The following COP1 variants were observed in gnomAD, a reference collection of about 807,000 sequenced individuals.
COP1 encodes COP1 E3 ubiquitin ligase, also known as E3 ubiquitin-protein ligase COP1.
A neutral mutation model predicts 101.3 loss-of-function variants in COP1; 24 were observed. The ratio of observed to expected loss-of-function variants is 0.24; its 90% CI spans 0.17 to 0.33. The LOEUF is 0.33. Among genes scored for constraint, COP1 ranks in the 10% least tolerant of loss-of-function variants. COP1 has a pLI of 1.00. For synonymous variants in COP1, 347 were observed against 341.9 expected (o/e 1.01, Z -0.17); for missense variants, 663 against 906.2 (o/e 0.73, Z 3.45).
chr1:175,972,852 G>A (rs915941354), intron 18 of COP1, among the ~76,000 whole-genome samples: 4 of 152,082 alleles, frequency 2.6e-5, no homozygotes, highest in African/African-American at 9.7e-5. Flanking sequence ...AATTTTTTGA[G>A]ACGGAGTTTC....
chr1:176,133,670 T>G (rs777208999), intron 8 of COP1, among the ~76,000 whole-genome samples: 1 of 151,910 alleles, frequency 6.6e-6, no homozygotes, highest in Non-Finnish European at 1.5e-5. Context: ...TGCACCGTAC[T>G]GTCACAATTT....
chr1:175,950,664 G>A (rs1313762075), intron 18 of COP1, among the ~76,000 whole-genome samples: 1 of 151,926 alleles, frequency 6.6e-6, no homozygotes, highest in Non-Finnish European at 1.5e-5. Context: ...CCTCTTTTTT[G>A]GAAACCGGCA....
chr1:176,156,972 C>T (rs1693546447), intron 5 of COP1, among the ~76,000 whole-genome samples: 1 of 152,042 alleles, frequency 6.6e-6, no homozygotes, highest in African/African-American at 2.4e-5. Context: ...CCAAGGCAGG[C>T]AGATCACCCA....
intron 5 of COP1, among the ~76,000 whole-genome samples, chr1:176,158,047 T>C (rs1457765337): frequency 6.6e-6 from 1 of 151,148 alleles, no homozygotes; most frequent in African/African-American, 2.4e-5. Flanking sequence ...ACTATAAATC[T>C]ACAGATCTAA....
intron 3 of COP1, among the ~76,000 whole-genome samples, chr1:176,175,189 CA>C (rs1313579994): frequency 6.6e-6 from 1 of 152,150 alleles, no homozygotes; most frequent in Non-Finnish European, 1.5e-5. Context: ...CAATATTCAA[CA>C]AACCTGAGTT....
intron 1 of COP1, among the ~76,000 whole-genome samples, chr1:176,205,903 TC>T (rs1700793512): frequency 6.6e-6 from 1 of 152,250 alleles, no homozygotes; most frequent in African/African-American, 2.4e-5. Context: ...TTCTCTCTTT[TC>T]AAGACACTTG....
At chr1:176,123,829 T>C (rs544224617) in intron 8 of COP1, among the ~76,000 whole-genome samples, 1 of 152,282 alleles carries the variant, frequency 6.6e-6, no homozygotes, top group African/African-American at 2.4e-5. Flanking sequence ...GATTTAAGAA[T>C]TTATTCAAAA....
intron 8 of COP1, among the ~76,000 whole-genome samples, chr1:176,116,966 T>C (rs948774360): frequency 1.3e-5 from 2 of 152,200 alleles, no homozygotes; most frequent in African/African-American, 4.8e-5. Flanking sequence ...CTTGTTTATA[T>C]TTCATTTTCA....
intron 18 of COP1, among the ~76,000 whole-genome samples, chr1:175,974,698 C>A (rs904830299): frequency 6.6e-6 from 1 of 151,882 alleles, no homozygotes; most frequent in South Asian, 2.1e-4. Flanking sequence ...AAATAAAAAA[C>A]GCTTTTGATG....
intron 15 of COP1, among the ~76,000 whole-genome samples, chr1:176,027,211 T>TA (rs34638515): frequency 6.6e-6 from 1 of 152,126 alleles, no homozygotes; most frequent in East Asian, 1.9e-4. Flanking sequence ...TAGTTTGCCT[T>TA]AAAAAAAGTG....
At chr1:176,102,392 T>C (rs1389178942) in intron 9 of COP1, among the ~76,000 whole-genome samples, 1 of 152,178 alleles carries the variant, frequency 6.6e-6, no homozygotes, top group Non-Finnish European at 1.5e-5. Flanking sequence ...ACAATATCAC[T>C]ACACACATGA....
At chr1:176,007,459 T>C (rs7543583) in intron 15 of COP1, among the ~76,000 whole-genome samples, 143,611 of 151,236 alleles carry the variant, frequency 0.95, 68,480 homozygotes, top group East Asian at 1. Flanking sequence ...TCTGTTTTTT[T>C]CCCATCTTTG....
chr1:176,017,203 A>C (rs1665815108), intron 15 of COP1: 1 of 152,218 alleles, frequency 6.6e-6, no homozygotes, highest in Non-Finnish European at 1.5e-5. Flanking sequence ...AACGTTTTAA[A>C]ATACAGATTG....
intron 18 of COP1, among the ~76,000 whole-genome samples, chr1:175,966,328 C>A (rs1652035638): frequency 1.3e-5 from 2 of 151,614 alleles, no homozygotes; most frequent in South Asian, 4.2e-4. Flanking sequence ...CACTTAAAAA[C>A]CTGTTTCATT....
chr1:175,955,153 G>A lies in COP1; in HGVS notation c.2134-7914C>T, dbSNP rs1038225212. ...TCCCAGCTACCCAGAAGGTTGAGGT[G>A]GGAGAATCACCTGAGCCTGGGAAGG... On this transcript the variant is annotated intron_variant, in intron 18 of 19. Transcript: ENST00000367669. Among the ~76,000 whole-genome samples the A allele has an allele frequency of 5.3e-5, 8 of 152,154 alleles. 1 individual carries two copies. The Middle Eastern group carries it at 0.01, about 195-fold the overall frequency.
chr1:175,952,711 C>T (rs748112877), intron 18 of COP1, among the ~76,000 whole-genome samples: 8 of 151,900 alleles, frequency 5.3e-5, no homozygotes, highest in Non-Finnish European at 1.2e-4. Context: ...GAGTTTGAGA[C>T]CAGTCTGGGC....
intron 18 of COP1, among the ~76,000 whole-genome samples, chr1:175,950,227 A>C (rs76464973): frequency 6.6e-6 from 1 of 151,316 alleles, no homozygotes; most frequent in African/African-American, 2.4e-5. Flanking sequence ...AAAAAAAAAA[A>C]GTCAACATAC....
intron 9 of COP1, among the ~76,000 whole-genome samples, chr1:176,089,107 C>T (rs1680788825): frequency 6.6e-6 from 1 of 151,630 alleles, no homozygotes; most frequent in South Asian, 2.1e-4. Flanking sequence ...TCAAGACCAG[C>T]CTGGCCAAGA....
At chr1:176,111,021 G>A (rs1685190597) in intron 9 of COP1, among the ~76,000 whole-genome samples, 1 of 151,978 alleles carries the variant, frequency 6.6e-6, no homozygotes, top group Non-Finnish European at 1.5e-5. Context: ...GTGTGGTGGT[G>A]TGTACCAGTA....
Sources: allele counts gnomAD v4.1 joint callset (sites outside exome capture counted in the v4.1 genomes callset), GRCh38; gene constraint gnomAD v4.1.1; transcripts MANE v1.5; gene names NCBI Gene and HGNC (gene_info 2026-07-23, HGNC 2026-07-21).